The following SAMD5 variants were observed in gnomAD, a reference collection of about 807,000 sequenced individuals.
The protein encoded by SAMD5 is sterile alpha motif domain-containing protein 5.
A neutral mutation model predicts 11.3 loss-of-function variants in SAMD5; 13 were observed. The ratio of observed to expected loss-of-function variants is 1.15; its 90% CI spans 0.75 to 1.83. SAMD5 has a LOEUF of 1.83. SAMD5 is among the 40% of genes most tolerant of loss of function. The pLI is 0.00. For missense variants in SAMD5, 255 were observed against 239.1 expected, an observed-to-expected ratio of 1.07 and a Z score of -0.44; for synonymous variants, 129 against 111.3, an observed-to-expected ratio of 1.16 and a Z score of -1.00.
the SAMD5 span, among the ~76,000 whole-genome samples, chr6:147,917,618 A>G: frequency 6.6e-6 from 1 of 152,168 alleles, no homozygotes; most frequent in Non-Finnish European, 1.5e-5. Flanking sequence ...TGTTTTAGAC[A>G]TGAAGACCTT....
intron 1 of SAMD5, among the ~76,000 whole-genome samples, chr6:147,613,079 T>C (rs1789809487): frequency 6.6e-6 from 1 of 152,046 alleles, no homozygotes. Flanking sequence ...CATGCGCCCA[T>C]AGTCCCAGCT....
Position 147,509,189 on chromosome 6 carries a change from C to A in SAMD5, c.261C>A (p.Ala87=), listed in dbSNP as rs1209305866. The A allele has an allele frequency of 2.3e-6, 3 of 1,284,354 alleles. No homozygotes were observed. Among genetic ancestry groups the A allele is most frequent in the Non-Finnish European group, 2.9e-6 (3 of 1,018,064 alleles). 79.6% of individuals were successfully genotyped at this position (1,284,354 alleles called of 1,614,324 possible). The change falls in exon 1 of 2, where the codon GCC becomes GCA. Residue 87 remains alanine (A), a synonymous_variant. Coordinates refer to ENST00000367474, the MANE Select transcript of SAMD5 (RefSeq NM_001030060.3). ...EPQPAPPGPP[A]DAVPTGRRGE... is the part of the protein sequence containing the mutation. ...AGCCGGCGCCCCCCGGGCCGCCCGC[C>A]GACGCCGTCCCCACCGGCCGCCGGG...
At chr6:147,754,249 G>T in the SAMD5 span, among the ~76,000 whole-genome samples, 24 of 151,920 alleles carry the variant, frequency 1.6e-4, no homozygotes, top group Middle Eastern at 3.2e-3. Flanking sequence ...CATTTTAACT[G>T]GGGTGAGCTG....
chr6:147,869,713 C>T, the SAMD5 span, among the ~76,000 whole-genome samples: 2 of 151,982 alleles, frequency 1.3e-5, no homozygotes, highest in East Asian at 3.9e-4. Context: ...ATTATTATTA[C>T]TTTGATACAG....
the SAMD5 span, among the ~76,000 whole-genome samples, chr6:147,781,460 C>T: frequency 8.6e-5 from 13 of 152,026 alleles, no homozygotes; most frequent in Non-Finnish European, 1.9e-4. Flanking sequence ...TCATTTGAAA[C>T]CCATTTGAAA....
intron 1 of SAMD5, among the ~76,000 whole-genome samples, chr6:147,719,277 G>A (rs146718095): frequency 6.6e-6 from 1 of 152,334 alleles, no homozygotes; most frequent in African/African-American, 2.4e-5. Flanking sequence ...GATTTTATGA[G>A]TACTTCTTTT....
the SAMD5 span, among the ~76,000 whole-genome samples, chr6:147,952,373 T>C: frequency 3.4e-3 from 521 of 152,338 alleles, 2 homozygotes; most frequent in Admixed American, 6.3e-3. Flanking sequence ...AGGCGTGATA[T>C]ATTAATGGTG....
At chr6:147,796,071 T>C in the SAMD5 span, among the ~76,000 whole-genome samples, 1 of 149,142 alleles carries the variant, frequency 6.7e-6, no homozygotes, top group Non-Finnish European at 1.5e-5. Flanking sequence ...TTTAGTTTAA[T>C]TAGATCCCAT....
At chr6:147,738,332 G>A (rs115443361), downstream of SAMD5, among the ~76,000 whole-genome samples, 1,014 of 152,270 alleles carry the variant, frequency 6.7e-3, 12 homozygotes, top group African/African-American at 0.023. Flanking sequence ...CCTTCTAAGC[G>A]GGAGGATTCT....
At chr6:147,731,739 A>G (rs1489534614) in intron 1 of SAMD5, among the ~76,000 whole-genome samples, 1 of 113,548 alleles carries the variant, frequency 8.8e-6, no homozygotes, top group Non-Finnish European at 1.7e-5. Context: ...CCTTCCTTCC[A>G]TTCTTTTAGT....
chr6:147,848,856 A>G, the SAMD5 span, among the ~76,000 whole-genome samples: 1 of 152,200 alleles, frequency 6.6e-6, no homozygotes, highest in Non-Finnish European at 1.5e-5. Flanking sequence ...TTCATCTATC[A>G]TGCATAAATT....
intron 1 of SAMD5, among the ~76,000 whole-genome samples, chr6:147,622,137 C>A (rs568312184): frequency 6.6e-6 from 1 of 152,120 alleles, no homozygotes; most frequent in Non-Finnish European, 1.5e-5. Flanking sequence ...ACAGTCATCC[C>A]TCAGTGTCTG....
intron 1 of SAMD5, among the ~76,000 whole-genome samples, chr6:147,696,794 A>G (rs1016616520): frequency 3.9e-5 from 6 of 152,152 alleles, no homozygotes; most frequent in Admixed American, 6.6e-5. Flanking sequence ...TATACATAAA[A>G]CAGTCAACAT....
chr6:147,775,169 T>G, the SAMD5 span, among the ~76,000 whole-genome samples: 1 of 152,124 alleles, frequency 6.6e-6, no homozygotes, highest in African/African-American at 2.4e-5. Context: ...GAACCTTGAC[T>G]GGGTCCCTGC....
chr6:147,798,513 G>A, the SAMD5 span, among the ~76,000 whole-genome samples: 2 of 150,886 alleles, frequency 1.3e-5, no homozygotes, highest in Non-Finnish European at 2.9e-5. Flanking sequence ...TGGAATAGGT[G>A]TGGTGTGGTG....
chr6:147,556,854 T>C (rs1788866050), intron 1 of SAMD5, among the ~76,000 whole-genome samples: 1 of 152,242 alleles, frequency 6.6e-6, no homozygotes, highest in Non-Finnish European at 1.5e-5. Context: ...ATGTTATTTA[T>C]AGAGCAATGC....
chr6:147,653,293 G>A (rs1427507655), intron 1 of SAMD5, among the ~76,000 whole-genome samples: 4 of 152,102 alleles, frequency 2.6e-5, no homozygotes, highest in Admixed American at 6.5e-5. Context: ...CTAAAATTTG[G>A]TTACCTTATT....
chr6:147,578,803 A>C (rs1207638043), intron 1 of SAMD5, among the ~76,000 whole-genome samples: 3 of 144,986 alleles, frequency 2.1e-5, no homozygotes, highest in Non-Finnish European at 4.6e-5. Context: ...AAAAAAAAAA[A>C]CCCAATCTAT....
chr6:147,684,565 C>G (rs1790983023), intron 1 of SAMD5, among the ~76,000 whole-genome samples: 1 of 152,174 alleles, frequency 6.6e-6, no homozygotes, highest in Non-Finnish European at 1.5e-5. Context: ...TCAATTTACA[C>G]TCCCACCAAC....
Sources: gnomAD v4.1 joint callset for allele counts (sites outside exome capture counted in the v4.1 genomes callset) on GRCh38, gnomAD v4.1.1 for gene constraint, MANE v1.5 for transcripts, NCBI Gene and HGNC (gene_info 2026-07-23, HGNC 2026-07-21) for gene names.